Variants in TOPAZ1 observed in about 807,000 individuals in gnomAD.
The protein encoded by TOPAZ1 is protein TOPAZ1.
Under a neutral mutation model 172.2 loss-of-function variants are expected in TOPAZ1, and 66 were observed. That is an observed-to-expected ratio of 0.38 (90% CI 0.31 to 0.47). TOPAZ1 has a LOEUF of 0.47. TOPAZ1 is among the 20% of genes least tolerant of loss of function. The pLI, the probability that TOPAZ1 is intolerant of heterozygous loss-of-function variation, is 0.99. For synonymous variants in TOPAZ1, 681 were observed against 683.9 expected (o/e 1.00, Z 0.07); for missense variants, 1,822 against 1,972.4 (o/e 0.92, Z 1.44).
At chr3:44,314,983 C>T (rs1456943665) in intron 16 of TOPAZ1, among the ~76,000 whole-genome samples, 1 of 152,170 alleles carries the variant, frequency 6.6e-6, no homozygotes, top group African/African-American at 2.4e-5. Flanking sequence ...TCCCCCACTG[C>T]GTTCTTTAAC....
chr3:44,321,021 TGG>T lies in TOPAZ1; in HGVS notation c.4307-5_4307-4del. On this transcript the variant is annotated splice_polypyrimidine_tract_variant and splice_region_variant and intron_variant, in intron 16 of 19. Transcript: ENST00000309765. ...TAAACTATTCATATTTTTTTCTTTT[TGG>T]AAGAGTCAGAGTGGATAATCAATAC... 4 of 1,531,386 alleles carry T rather than the reference TGG, an allele frequency of 2.6e-6. No homozygotes were observed. Among genetic ancestry groups the T allele is most frequent in the Admixed American group, 2.1e-5 (1 of 46,984 alleles). 94.9% of individuals were successfully genotyped at this position (1,531,386 alleles called of 1,614,324 possible).
At chr3:44,310,105 T>C in intron 16 of TOPAZ1, 115 bp downstream of exon 16, 1 of 909,274 alleles carries the variant, frequency 1.1e-6, no homozygotes, top group Non-Finnish European at 1.6e-6. Context: ...GTCTAAACCC[T>C]AGTGAACATG....
intron 6 of TOPAZ1, 113 bp downstream of exon 6, chr3:44,267,249 A>C: frequency 1.2e-6 from 1 of 863,042 alleles, no homozygotes. Flanking sequence ...ATCATGTAGA[A>C]TATGTTAAAA....
Position 44,244,791 on chromosome 3 carries a change from A to T in TOPAZ1, c.2285A>T (p.Tyr762Phe). 1 of 1,551,626 alleles carries T rather than the reference A, an allele frequency of 6.4e-7. No homozygotes were observed. Among genetic ancestry groups the T allele is most frequent in the Non-Finnish European group, 8.7e-7 (1 of 1,146,976 alleles). ...TPVQASSDSF[Y>F]NKKSYSISPS... ...GTGCAAGCTAGTTCTGACTCATTCT[A>T]CAATAAGAAATCCTATAGTATTTCT... Residue 762 changes from tyrosine (Y) to phenylalanine (F), a missense_variant, in exon 2 of 20, where the codon TAC becomes TTC. By Grantham distance (22) the Tyr-to-Phe change is conservative (BLOSUM62 3). Coordinates refer to ENST00000309765, the MANE Select transcript of TOPAZ1 (RefSeq NM_001145030.2).
intron 2 of TOPAZ1, among the ~76,000 whole-genome samples, chr3:44,254,665 C>G (rs1294737077): frequency 6.7e-6 from 1 of 148,820 alleles, no homozygotes; most frequent in African/African-American, 2.5e-5. Context: ...AAGTTAAACA[C>G]TATCTCGTAT....
rs1486253052 is a variant in TOPAZ1 at position 44,305,163 on chromosome 3, G to A, written c.3881G>A (p.Gly1294Asp). ...TTTTGATAGCATTGTAAAGAAAAAG[G>A]TGACTGGACCAAATTGGGAAAATTA... ...LNKLEHCKEK[G>D]DWTKLGKLYI... Residue 1294 changes from glycine (G) to aspartate (D), a missense_variant, in exon 14 of 20, where the codon GGT (glycine) becomes GAT (aspartate). Physicochemically the swap from Gly to Asp is moderately conservative, Grantham distance 94. This residue lies in a region of TOPAZ1 where 333 missense variants were observed against 481.7 expected (regional missense o/e 0.69). Coordinates refer to ENST00000309765, the MANE Select transcript of TOPAZ1 (RefSeq NM_001145030.2). 2 of 1,517,576 alleles carry A rather than the reference G, an allele frequency of 1.3e-6. No homozygotes were observed. Among genetic ancestry groups the A allele is most frequent in the Non-Finnish European group, 1.8e-6 (2 of 1,135,806 alleles). The allele number at this position is 1,517,576 out of a possible 1,614,324, so 94.0% of individuals were successfully genotyped here. A position where few individuals can be genotyped will look rare whatever the true frequency, so the allele number is the denominator to read the frequency against.
chr3:44,289,440 G>A (rs570513443), intron 11 of TOPAZ1, among the ~76,000 whole-genome samples: 2 of 152,224 alleles, frequency 1.3e-5, no homozygotes, highest in African/African-American at 4.8e-5. Context: ...AAGGATTAGA[G>A]CCTAATCTTT....
chr3:44,334,920 C>T (rs1323061968), downstream of TOPAZ1, among the ~76,000 whole-genome samples: 1 of 152,148 alleles, frequency 6.6e-6, no homozygotes, highest in South Asian at 2.1e-4. Context: ...TGCTGATAGA[C>T]TTGTGCTAGT....
At chr3:44,251,803 C>G (rs1559525589) in intron 2 of TOPAZ1, among the ~76,000 whole-genome samples, 1 of 152,168 alleles carries the variant, frequency 6.6e-6, no homozygotes, top group Non-Finnish European at 1.5e-5. Context: ...CTTTGCTTAT[C>G]TGTATTTCTG....
At chr3:44,285,052 A>G (rs1377085416) in intron 9 of TOPAZ1, among the ~76,000 whole-genome samples, 3 of 152,216 alleles carry the variant, frequency 2.0e-5, no homozygotes, top group Non-Finnish European at 4.4e-5. Context: ...TCAAGAGGAA[A>G]ATCCAGTGGT....
intron 19 of TOPAZ1, among the ~76,000 whole-genome samples, chr3:44,330,387 T>C (rs1309890266): frequency 2.0e-5 from 3 of 152,230 alleles, no homozygotes; most frequent in Admixed American, 6.5e-5. Flanking sequence ...TCTTTGATTT[T>C]GTCCAAACCA....
At chr3:44,336,279 T>G (rs981546226), downstream of TOPAZ1, among the ~76,000 whole-genome samples, 2 of 152,168 alleles carry the variant, frequency 1.3e-5, no homozygotes, top group African/African-American at 2.4e-5. Flanking sequence ...AGAACAGGGC[T>G]AAAAAGGAGT....
intron 19 of TOPAZ1, 113 bp from the exon 20 acceptor site, chr3:44,331,678 AC>A (rs1405585819): frequency 1.1e-6 from 1 of 879,072 alleles, no homozygotes; most frequent in African/African-American, 1.7e-5. Context: ...TTTTAGAAGA[AC>A]ATGGTGAGAA....
At chr3:44,298,891 T>TTTTA (rs1553650038) in intron 12 of TOPAZ1, among the ~76,000 whole-genome samples, 2 of 17,118 alleles carry the variant, frequency 1.2e-4, no homozygotes, top group Non-Finnish European at 1.8e-4. Flanking sequence ...TGTATATATA[T>TTTTA]TATATATATA....
chr3:44,263,916 A>G (rs1265223610), intron 5 of TOPAZ1, among the ~76,000 whole-genome samples: 4 of 152,224 alleles, frequency 2.6e-5, no homozygotes, highest in Admixed American at 6.5e-5. Flanking sequence ...TTAGAATACA[A>G]TTAAAGCTGT....
At chr3:44,281,443 T>G (rs989306021) in intron 8 of TOPAZ1, among the ~76,000 whole-genome samples, 1 of 152,228 alleles carries the variant, frequency 6.6e-6, no homozygotes, top group Non-Finnish European at 1.5e-5. Context: ...TAATATTGAC[T>G]TTTTGCATCC....
chr3:44,317,282 A>G (rs1700461335), intron 16 of TOPAZ1, among the ~76,000 whole-genome samples: 1 of 152,092 alleles, frequency 6.6e-6, no homozygotes, highest in Admixed American at 6.5e-5. Context: ...TTAGCCTAGC[A>G]TTGTGGCAGG....
chr3:44,308,878 A>C (rs1700365591), intron 15 of TOPAZ1, among the ~76,000 whole-genome samples: 1 of 152,230 alleles, frequency 6.6e-6, no homozygotes, highest in Non-Finnish European at 1.5e-5. Context: ...TTATACAGTC[A>C]TCTTGAAGGT....
intron 8 of TOPAZ1, among the ~76,000 whole-genome samples, chr3:44,273,409 A>G (rs1699918776): frequency 6.6e-6 from 1 of 152,154 alleles, no homozygotes; most frequent in Non-Finnish European, 1.5e-5. Flanking sequence ...AGTTTCTTAC[A>G]TCTTCTTTTT....
Sources: allele counts gnomAD v4.1 joint callset (sites outside exome capture counted in the v4.1 genomes callset), GRCh38; gene constraint gnomAD v4.1.1; regional missense constraint gnomAD v4.1.1; transcripts MANE v1.5; gene names NCBI Gene and HGNC (gene_info 2026-07-23, HGNC 2026-07-21).